Variants in GFOD1 observed in about 807,000 individuals in gnomAD.
GFOD1 encodes glucose-fructose oxidoreductase domain-containing protein 1.
In GFOD1, 9 loss-of-function variants were observed where a neutral mutation model predicts 25.4. The ratio of observed to expected loss-of-function variants is 0.35; its 90% confidence interval spans 0.21 to 0.62. The LOEUF is 0.62. Among genes scored for constraint, GFOD1 ranks in the 20% least tolerant of loss-of-function variants. The probability of loss-of-function intolerance (pLI) is 0.72; values close to 1 mark genes in which losing one functional copy is unlikely to be tolerated. For missense variants in GFOD1, 403 were observed against 556.9 expected, an observed-to-expected ratio of 0.72 and a Z score of 2.78; for synonymous variants, 253 against 245.6, an observed-to-expected ratio of 1.03 and a Z score of -0.28.
chr6:13,469,815 T>C (rs557649325), intron 1 of GFOD1: 1 of 1,106,844 alleles, frequency 9.0e-7, no homozygotes, highest in African/African-American at 1.6e-5. Flanking sequence ...AAGATGGAGA[T>C]GCTAAATGTC....
At chr6:13,485,905 G>C in intron 1 of GFOD1, 1 of 497,394 alleles carries the variant, frequency 2.0e-6, no homozygotes, top group Non-Finnish European at 2.6e-6. Context: ...GCAGTCAAAA[G>C]TTAAAACCCC....
chr6:13,402,587 CA>C (rs370648474), intron 1 of GFOD1, among the ~76,000 whole-genome samples: 124,877 of 151,712 alleles, frequency 0.82, 53,840 homozygotes, highest in Non-Finnish European at 0.95. Flanking sequence ...TGCTCAACAT[CA>C]TCAGTCTTTA....
At chr6:13,460,130 T>C (rs1398591361) in intron 1 of GFOD1, among the ~76,000 whole-genome samples, 1 of 152,130 alleles carries the variant, frequency 6.6e-6, no homozygotes, top group Non-Finnish European at 1.5e-5. Context: ...TGAGACTTCA[T>C]CTCAAAAAAT....
chr6:13,371,375 C>T (rs1785151919), intron 1 of GFOD1, among the ~76,000 whole-genome samples: 1 of 152,220 alleles, frequency 6.6e-6, no homozygotes, highest in South Asian at 2.1e-4. Context: ...AAGGGAGCCA[C>T]TTGTCCCATG....
rs369765116 is a variant in GFOD1, at chr6:13,368,890, A to G, written c.254-3228T>C. Among the ~76,000 whole-genome samples, 169 of 152,044 alleles carry G rather than the reference A, an allele frequency of 1.1e-3. 1 individual carries two copies. The highest frequency in any genetic ancestry group is 3.9e-3 in the African/African-American group (163 of 41,468). ...ACATGACATGATATACAAAAATGCA[A>G]CTCCACCCTGAGACTCACATGTGGA... On this transcript the variant is annotated intron_variant, in intron 1 of 1. Coordinates refer to ENST00000379287, the MANE Select transcript of GFOD1 (RefSeq NM_018988.4).
intron 1 of GFOD1, among the ~76,000 whole-genome samples, chr6:13,451,991 T>C (rs1366371593): frequency 6.6e-6 from 1 of 152,072 alleles, no homozygotes; most frequent in African/African-American, 2.4e-5. Flanking sequence ...GATAAAAAGT[T>C]AGGTTTGGCG....
chr6:13,420,128 G>C (rs747442842), intron 1 of GFOD1, among the ~76,000 whole-genome samples: 147 of 134,066 alleles, frequency 1.1e-3, no homozygotes, highest in Non-Finnish European at 1.7e-3. Context: ...GGCTCGCATG[G>C]GATCCGTGCC....
At position 13,456,252 on chromosome 6, in the gene GFOD1, G is replaced by A. The variant is rs149117677; in HGVS notation, c.253+30386C>T. On this transcript the variant is annotated intron_variant, in intron 1 of 1. Transcript: ENST00000379287. ...TGCAATGGCATGATCTTGGCTTACT[G>A]CAGTGTCCACCTCCTGGGCTCAAGT... Among the ~76,000 whole-genome samples the A allele has an allele frequency of 1.6e-3, 246 of 152,240 alleles. 3 individuals are homozygous for A. Among genetic ancestry groups the A allele is most frequent in the African/African-American group, 5.7e-3 (237 of 41,522 alleles).
At chr6:13,463,621 G>C (rs1758330462) in intron 1 of GFOD1, among the ~76,000 whole-genome samples, 2 of 152,186 alleles carry the variant, frequency 1.3e-5, no homozygotes, top group South Asian at 4.1e-4. Context: ...GTCACAGCCA[G>C]CTTTTCCTCT....
At chr6:13,368,656 T>C (rs1222378659) in intron 1 of GFOD1, among the ~76,000 whole-genome samples, 1 of 152,236 alleles carries the variant, frequency 6.6e-6, no homozygotes. Context: ...CTGCTTAGTA[T>C]ACGCTATTGG....
At chr6:13,387,552 C>T (rs545079208) in intron 1 of GFOD1, among the ~76,000 whole-genome samples, 7 of 152,240 alleles carry the variant, frequency 4.6e-5, no homozygotes, top group South Asian at 2.1e-4. Flanking sequence ...AAAAGGCCTT[C>T]GACAAAATCC....
intron 1 of GFOD1, among the ~76,000 whole-genome samples, chr6:13,409,132 A>AG (rs769374013): frequency 2.3e-5 from 1 of 44,096 alleles, no homozygotes; most frequent in Admixed American, 3.9e-4. Flanking sequence ...AAAGAAAGAA[A>AG]GAAAGAAAGA....
chr6:13,486,942 C>A lies in GFOD1; in HGVS notation c.-52G>T, dbSNP rs62385806. 2 of 1,576,934 alleles carry A rather than the reference C, an allele frequency of 1.3e-6. No individual in the cohort carries two copies. The highest frequency in any genetic ancestry group is 1.7e-5 in the Admixed American group (1 of 58,918). ...TTCTGCTCGGATCTCCAGTCCAACG[C>A]GCGCACACACCCACCTCTAGCCAGT... On this transcript the variant is annotated 5_prime_UTR_variant, in exon 1 of 2. Transcript: ENST00000379287.
intron 1 of GFOD1, among the ~76,000 whole-genome samples, chr6:13,375,733 T>C (rs919527007): frequency 1.3e-5 from 2 of 152,206 alleles, no homozygotes; most frequent in African/African-American, 4.8e-5. Flanking sequence ...CCGTCCCCCA[T>C]GACTCAAGCC....
intron 1 of GFOD1, among the ~76,000 whole-genome samples, chr6:13,372,463 C>T (rs1330887524): frequency 6.6e-6 from 1 of 152,150 alleles, no homozygotes; most frequent in Non-Finnish European, 1.5e-5. Flanking sequence ...CAGCTGCTCC[C>T]CTTATATCCT....
In GFOD1 at chr6:13,359,346, A is replaced by G. The variant is rs760402441; in HGVS notation, c.*5397T>C. ...CATTGATTTTTAAACAAGCTCCCCAATGTCATGGCCTCTGCTCTGTAAACT... is the reference window on the plus strand; with the variant it reads ...CATTGATTTTTAAACAAGCTCCCCAGTGTCATGGCCTCTGCTCTGTAAACT... On this transcript the variant is annotated 3_prime_UTR_variant, in exon 2 of 2. Transcript: ENST00000379287. 2.6e-5 allele frequency: 4 copies of G among 152,270 alleles called. No individual in the cohort carries two copies. Among genetic ancestry groups the G allele is most frequent in the Non-Finnish European group, 5.9e-5 (4 of 68,082 alleles). 9.4% of individuals were successfully genotyped at this position (152,270 alleles called of 1,614,324 possible). A position where few individuals can be genotyped will look rare whatever the true frequency, so the allele number is the denominator to read the frequency against.
At chr6:13,397,142 GT>G (rs1392909343) in intron 1 of GFOD1, among the ~76,000 whole-genome samples, 4 of 152,080 alleles carry the variant, frequency 2.6e-5, no homozygotes, top group Non-Finnish European at 5.9e-5. Context: ...CCCATTGTGG[GT>G]GCCCACAGTG....
intron 1 of GFOD1, among the ~76,000 whole-genome samples, chr6:13,438,512 A>G (rs1030737419): frequency 1.3e-4 from 20 of 152,206 alleles, no homozygotes; most frequent in African/African-American, 4.6e-4. Context: ...TCAAAAATGC[A>G]TGAAAACAAT....
chr6:13,410,227 TCC>T (rs1491145360), intron 1 of GFOD1, among the ~76,000 whole-genome samples: 1 of 152,166 alleles, frequency 6.6e-6, no homozygotes, highest in Admixed American at 6.5e-5. Context: ...GCTGGCTTGC[TCC>T]TGTGTTTGGA....
Sources: gnomAD v4.1 joint callset for allele counts (sites outside exome capture counted in the v4.1 genomes callset) on GRCh38, gnomAD v4.1.1 for gene constraint, MANE v1.5 for transcripts, NCBI Gene and HGNC (gene_info 2026-07-23, HGNC 2026-07-21) for gene names.